The following MEF2C variants were observed in gnomAD, a reference collection of about 807,000 sequenced individuals.
The protein encoded by MEF2C is myocyte enhancer factor 2C.
Under a neutral mutation model 50.5 loss-of-function variants are expected in MEF2C, and 6 were observed. The observed-to-expected ratio is 0.12, with a 90% CI of 0.07 to 0.23. MEF2C has a LOEUF of 0.23. Ranked by LOEUF, MEF2C falls within the 10% of genes least tolerant of loss-of-function variation. The pLI, the probability that MEF2C is intolerant of heterozygous loss-of-function variation, is 1.00. For synonymous variants in MEF2C, 183 were observed against 228.0 expected, an observed-to-expected ratio of 0.80 and a Z score of 1.78; for missense variants, 276 against 605.0, an observed-to-expected ratio of 0.46 and a Z score of 5.70.
rs933775090 is a variant in MEF2C at position 88,719,182 on chromosome 5, T to C, written c.*3422A>G. The C allele has an allele frequency of 6.6e-6, 1 of 152,198 alleles. No individual in the cohort carries two copies. The highest frequency in any genetic ancestry group is 6.5e-5 in the Admixed American group (1 of 15,274). 9.4% of individuals were successfully genotyped at this position (152,198 alleles called of 1,614,324 possible). Reference sequence around the variant, plus strand: ...CATAAAAGTGTGTGAGGGCAGACATTCTTTTAAAAAGTGTCTTGGAATTTT... The same window carrying C: ...CATAAAAGTGTGTGAGGGCAGACATCCTTTTAAAAAGTGTCTTGGAATTTT... On this transcript the variant is annotated 3_prime_UTR_variant, in exon 11 of 11. Coordinates refer to ENST00000504921, the MANE Select transcript of MEF2C (RefSeq NM_002397.5).
At chr5:88,823,474 A>G (rs978207196) in intron 2 of MEF2C, among the ~76,000 whole-genome samples, 1 of 151,968 alleles carries the variant, frequency 6.6e-6, no homozygotes, top group Non-Finnish European at 1.5e-5. Context: ...TTCATGTCAC[A>G]CAACTACACT....
intron 2 of MEF2C, among the ~76,000 whole-genome samples, chr5:88,822,789 T>G (rs1368655676): frequency 6.6e-6 from 1 of 151,964 alleles, no homozygotes; most frequent in Non-Finnish European, 1.5e-5. Flanking sequence ...CCTTCTTCAG[T>G]GTAACCGAAA....
intron 1 of MEF2C, chr5:88,839,489 A>G (rs1287001393): frequency 6.6e-6 from 1 of 152,150 alleles, no homozygotes; most frequent in African/African-American, 2.4e-5. Context: ...TCTGGTAAAC[A>G]GGAAATCTCT....
At chr5:88,871,420 G>A (rs930408204) in intron 1 of MEF2C, among the ~76,000 whole-genome samples, 3 of 151,914 alleles carry the variant, frequency 2.0e-5, no homozygotes, top group African/African-American at 7.2e-5. Context: ...AGCTGTCCAT[G>A]CTGTTTTACC....
At chr5:88,796,497 T>A (rs1258276248) in intron 3 of MEF2C, among the ~76,000 whole-genome samples, 1 of 152,198 alleles carries the variant, frequency 6.6e-6, no homozygotes, top group Non-Finnish European at 1.5e-5. Flanking sequence ...TTCTTTATCA[T>A]TTTTTACTGC....
chr5:88,835,825 A>C (rs895915820), intron 1 of MEF2C, among the ~76,000 whole-genome samples: 2 of 151,696 alleles, frequency 1.3e-5, no homozygotes, highest in African/African-American at 4.8e-5. Flanking sequence ...AAAAAAAAAA[A>C]AAAAAAGGAA....
upstream of MEF2C, chr5:88,884,666 A>T (rs1241852166): frequency 4.0e-5 from 6 of 150,288 alleles, no homozygotes; most frequent in African/African-American, 1.2e-4. Context: ...TCCCAAATGC[A>T]TTAGGCTACC....
At chr5:88,898,410 C>A (rs1469385027) in intron 1 of MEF2C, among the ~76,000 whole-genome samples, 2 of 152,116 alleles carry the variant, frequency 1.3e-5, no homozygotes, top group African/African-American at 2.4e-5. Flanking sequence ...GGCTTCAGAT[C>A]CAGGGACCTC....
At chr5:88,894,918 C>A (rs1436911740) in intron 1 of MEF2C, among the ~76,000 whole-genome samples, 1 of 152,104 alleles carries the variant, frequency 6.6e-6, no homozygotes, top group Non-Finnish European at 1.5e-5. Context: ...CACGTTTAGA[C>A]ACTAAATAAT....
intron 2 of MEF2C, among the ~76,000 whole-genome samples, chr5:88,823,041 A>G (rs167345): frequency 0.43 from 64,580 of 151,800 alleles, 15,746 homozygotes; most frequent in African/African-American, 0.67. Flanking sequence ...CTTTAATGCC[A>G]AACTGAGCAT....
intron 1 of MEF2C, among the ~76,000 whole-genome samples, chr5:88,826,263 T>C (rs1456482992): frequency 6.6e-6 from 1 of 152,072 alleles, no homozygotes; most frequent in African/African-American, 2.4e-5. Context: ...AAAAATGCCA[T>C]TGAATATATT....
intron 10 of MEF2C, among the ~76,000 whole-genome samples, chr5:88,725,926 T>C (rs1313788168): frequency 1.3e-5 from 2 of 152,112 alleles, no homozygotes. Flanking sequence ...AAACTTAGTG[T>C]TACACTAAAT....
At chr5:88,866,688 A>G (rs1827504383) in intron 1 of MEF2C, among the ~76,000 whole-genome samples, 2 of 152,360 alleles carry the variant, frequency 1.3e-5, no homozygotes, top group East Asian at 1.9e-4. Context: ...CAAATATAAT[A>G]TGACCTTGTT....
At position 88,731,719 on chromosome 5, in the gene MEF2C, T is replaced by A. The variant is rs587783748; in HGVS notation, c.810+10A>T. ...TATCAATATTTATTTAAAATGTAGT[T>A]TTGTATTACCACTGATGGCATCGTA... On this transcript the variant is annotated intron_variant, in intron 7 of 10. Coordinates refer to ENST00000504921, the MANE Select transcript of MEF2C (RefSeq NM_002397.5). The A allele has an allele frequency of 2.4e-5, 38 of 1,610,732 alleles. No individual in the cohort carries two copies. Among genetic ancestry groups the A allele is most frequent in the Non-Finnish European group, 3.1e-5 (37 of 1,177,438 alleles).
At chr5:88,782,805 A>C (rs1447576636) in intron 3 of MEF2C, among the ~76,000 whole-genome samples, 2 of 152,206 alleles carry the variant, frequency 1.3e-5, no homozygotes, top group African/African-American at 4.8e-5. Context: ...TCATTATGCT[A>C]ATTTACTGCT....
At chr5:88,739,477 G>C (rs1401531658) in intron 6 of MEF2C, 2 of 962,600 alleles carry the variant, frequency 2.1e-6, no homozygotes, top group East Asian at 2.3e-4. Context: ...TTAAAAGTTA[G>C]TTTCCAATAT....
upstream of MEF2C, among the ~76,000 whole-genome samples, chr5:88,884,025 A>G (rs1034380686): frequency 2.0e-5 from 3 of 152,344 alleles, no homozygotes; most frequent in Non-Finnish European, 2.9e-5. Context: ...GCCATACGCA[A>G]ACCTAATGAC....
rs920571743 is a variant in MEF2C, at chr5:88,722,063, T to C, written c.*541A>G. ...TTTAATGGTCTCTGATCCTTTTTAA[T>C]GAGTGCCATACGCCAATGATATGCC... is the stretch of plus-strand genomic sequence containing the variant. On this transcript the variant is annotated 3_prime_UTR_variant, in exon 11 of 11. Coordinates refer to ENST00000504921, the MANE Select transcript of MEF2C (RefSeq NM_002397.5). The C allele has an allele frequency of 6.5e-6, 1 of 152,808 alleles. No individual in the cohort carries two copies. Among genetic ancestry groups the C allele is most frequent in the Non-Finnish European group, 1.5e-5 (1 of 68,200 alleles). 9.5% of individuals were successfully genotyped at this position (152,808 alleles called of 1,614,324 possible).
At chr5:88,741,258 T>C in intron 6 of MEF2C, 1 of 985,332 alleles carries the variant, frequency 1.0e-6, no homozygotes. Flanking sequence ...ATCAAGAATG[T>C]AGATGATTAT....
Sources: allele counts gnomAD v4.1 joint callset (sites outside exome capture counted in the v4.1 genomes callset), GRCh38; gene constraint gnomAD v4.1.1; transcripts MANE v1.5; gene names NCBI Gene and HGNC (gene_info 2026-07-23, HGNC 2026-07-21).